The following PARD3B variants were observed in gnomAD, a reference collection of about 807,000 sequenced individuals.
PARD3B encodes the protein par-3 family cell polarity regulator beta.
In PARD3B, 103 loss-of-function variants were observed where a neutral mutation model predicts 130.2. The observed-to-expected ratio is 0.79, with a 90% confidence interval of 0.67 to 0.93. The LOEUF (loss-of-function observed/expected upper bound fraction) is 0.93, where lower values mean the gene tolerates loss of function less well. PARD3B is among the 40% of genes least tolerant of loss of function. PARD3B has a pLI of 0.00. For missense variants in PARD3B, 1,609 were observed against 1,499.2 expected, an observed-to-expected ratio of 1.07 and a Z score of -1.21; for synonymous variants, 583 against 553.2, an observed-to-expected ratio of 1.05 and a Z score of -0.76.
chr2:204,687,603 T>A (rs2037150076), intron 2 of PARD3B, among the ~76,000 whole-genome samples: 1 of 152,226 alleles, frequency 6.6e-6, no homozygotes, highest in African/African-American at 2.4e-5. Context: ...GTAATTTTGA[T>A]ATATACTTCC....
At chr2:205,507,166 A>G (rs1303198536) in intron 21 of PARD3B, among the ~76,000 whole-genome samples, 2 of 137,786 alleles carry the variant, frequency 1.5e-5, no homozygotes, top group East Asian at 4.4e-4. Context: ...TCCACTTCTG[A>G]ACCAACCTTC....
chr2:205,257,607 T>A (rs1415562739), intron 16 of PARD3B, among the ~76,000 whole-genome samples: 1 of 152,202 alleles, frequency 6.6e-6, no homozygotes, highest in Non-Finnish European at 1.5e-5. Context: ...ATTATATATT[T>A]AAATTAATGT....
At chr2:204,846,405 C>T (rs1386356268) in intron 2 of PARD3B, among the ~76,000 whole-genome samples, 1 of 151,906 alleles carries the variant, frequency 6.6e-6, no homozygotes, top group South Asian at 2.1e-4. Context: ...GGTATCTGTT[C>T]TAGAGAAATA....
rs560577079 is a variant in PARD3B at position 205,508,633 on chromosome 2, A to T, written c.3180+8602A>T. Among the ~76,000 whole-genome samples, 99 of 151,724 alleles carry T rather than the reference A, an allele frequency of 6.5e-4. 1 individual carries two copies. The highest frequency in any genetic ancestry group is 2.2e-3 in the African/African-American group (93 of 41,414). On this transcript the variant is annotated intron_variant, in intron 21 of 22. Transcript: ENST00000406610. ...ACTCCTGCAGTTGGGCTGCTGCCAC[A>T]CGATGGGCAATCCCTTCTCAGTTGA...
chr2:205,076,454 G>A (rs1426000806), intron 4 of PARD3B, among the ~76,000 whole-genome samples: 1 of 152,146 alleles, frequency 6.6e-6, no homozygotes, highest in African/African-American at 2.4e-5. Context: ...ACATACTTCA[G>A]GTTCAATGTA....
chr2:204,858,571 G>A (rs2045052898), intron 2 of PARD3B, among the ~76,000 whole-genome samples: 1 of 150,994 alleles, frequency 6.6e-6, no homozygotes, highest in African/African-American at 2.4e-5. Context: ...TGGGGTAGGG[G>A]AGGAAATAGA....
chr2:205,260,379 G>T (rs180954415), intron 16 of PARD3B, among the ~76,000 whole-genome samples: 28 of 152,234 alleles, frequency 1.8e-4, no homozygotes, highest in African/African-American at 5.5e-4. Flanking sequence ...GAATAGGGAT[G>T]TACAACCTGG....
At chr2:205,167,758 G>A (rs2034902181) in intron 11 of PARD3B, among the ~76,000 whole-genome samples, 1 of 152,192 alleles carries the variant, frequency 6.6e-6, no homozygotes, top group Non-Finnish European at 1.5e-5. Context: ...CCTGAGAGAT[G>A]AGGAGACCTG....
intron 21 of PARD3B, among the ~76,000 whole-genome samples, chr2:205,515,049 G>T (rs557858204): frequency 1.3e-5 from 2 of 151,728 alleles, no homozygotes; most frequent in Non-Finnish European, 2.9e-5. Context: ...TTTCCTAAGT[G>T]CTCATCATTT....
chr2:204,638,116 C>G (rs1031100363), intron 1 of PARD3B, among the ~76,000 whole-genome samples: 1 of 152,076 alleles, frequency 6.6e-6, no homozygotes, highest in African/African-American at 2.4e-5. Context: ...TATGCGTTTT[C>G]TTATACAAAA....
chr2:205,077,103 T>A (rs1225775880), intron 4 of PARD3B, among the ~76,000 whole-genome samples: 1 of 152,140 alleles, frequency 6.6e-6, no homozygotes, highest in Admixed American at 6.5e-5. Flanking sequence ...ATTATCTTTG[T>A]CTATATATAG....
At chr2:205,335,369 G>A (rs1280686589) in intron 18 of PARD3B, among the ~76,000 whole-genome samples, 8 of 152,120 alleles carry the variant, frequency 5.3e-5, no homozygotes, top group Non-Finnish European at 7.4e-5. Context: ...CTGCTCTCAG[G>A]AACTCACTAT....
intron 4 of PARD3B, among the ~76,000 whole-genome samples, chr2:205,056,715 A>C (rs1699658961): frequency 6.6e-6 from 1 of 152,034 alleles, no homozygotes; most frequent in African/African-American, 2.4e-5. Context: ...CGTTTTAAGC[A>C]AAGAATGGTT....
chr2:205,302,992 T>C (rs1367293038), intron 18 of PARD3B, among the ~76,000 whole-genome samples: 1 of 152,096 alleles, frequency 6.6e-6, no homozygotes, highest in Non-Finnish European at 1.5e-5. Flanking sequence ...TTGTTTCTTC[T>C]CTCCCCTTCA....
At chr2:205,173,723 T>C (rs2035305868) in intron 12 of PARD3B, among the ~76,000 whole-genome samples, 1 of 152,232 alleles carries the variant, frequency 6.6e-6, no homozygotes, top group African/African-American at 2.4e-5. Flanking sequence ...TCAACATTTG[T>C]GTCTGCTTAA....
intron 21 of PARD3B, among the ~76,000 whole-genome samples, chr2:205,500,911 G>A (rs940765433): frequency 3.9e-5 from 6 of 152,134 alleles, no homozygotes; most frequent in African/African-American, 1.4e-4. Flanking sequence ...TTTTAGAGCT[G>A]CTCTGAGAAC....
intron 2 of PARD3B, among the ~76,000 whole-genome samples, chr2:204,952,487 A>G (rs1375615620): frequency 1.3e-5 from 2 of 152,354 alleles, no homozygotes; most frequent in East Asian, 3.9e-4. Context: ...TTTTAAGTGA[A>G]TGGAATACCA....
chr2:204,944,034 GGAA>G (rs111888845), intron 2 of PARD3B, among the ~76,000 whole-genome samples: 33,026 of 151,922 alleles, frequency 0.22, 3,879 homozygotes, highest in African/African-American at 0.27. Flanking sequence ...GATTTAAAAA[GGAA>G]GAAGAAGAGA....
rs537548873 is a variant in PARD3B, at chr2:204,826,269, G to A, written c.223-138883G>A. Among the ~76,000 whole-genome samples the A allele has an allele frequency of 4.6e-5, 7 of 152,286 alleles. No individual in the cohort carries two copies. In the South Asian group the frequency reaches 1.0e-3, roughly 23 times the overall value. On this transcript the variant is annotated intron_variant, in intron 2 of 22. Transcript: ENST00000406610. The stretch of plus-strand genomic sequence containing the variant: ...TGTACCTCCATAGCTAGTGCTGCGT[G>A]CTCTTATAATGGAGCAGAGGTACTG...
Sources: allele counts gnomAD v4.1 joint callset (sites outside exome capture counted in the v4.1 genomes callset), GRCh38; gene constraint gnomAD v4.1.1; transcripts MANE v1.5; gene names NCBI Gene and HGNC (gene_info 2026-07-23, HGNC 2026-07-21).